MACROD2: variants seen among roughly 807,000 people sequenced by gnomAD.
MACROD2 encodes the protein mono-ADP ribosylhydrolase 2.
Under a neutral mutation model 70.4 loss-of-function variants are expected in MACROD2, and 36 were observed. The observed-to-expected ratio is 0.51, with a 90% CI of 0.39 to 0.68. The LOEUF (loss-of-function observed/expected upper bound fraction) is 0.68, where lower values mean the gene tolerates loss of function less well. Among genes scored for constraint, MACROD2 ranks in the 30% least tolerant of loss-of-function variants. MACROD2 has a pLI of 0.00. For synonymous variants in MACROD2, 172 were observed against 178.8 expected, an observed-to-expected ratio of 0.96 and a Z score of 0.30; for missense variants, 496 against 538.4, an observed-to-expected ratio of 0.92 and a Z score of 0.78.
In MACROD2 at chr20:15,698,517, G is replaced by A. The variant is rs142233691; in HGVS notation, c.646-164228G>A. Among the ~76,000 whole-genome samples, 630 of 152,128 alleles carry A rather than the reference G, an allele frequency of 4.1e-3. 3 individuals are homozygous for A. The highest frequency in any genetic ancestry group is 0.014 in the African/African-American group (569 of 41,492). ...CACAGCTCTTAAAATTCTTTCCTTC[G>A]TCTTAACTTTGGATAACCTGATGAC... On this transcript the variant is annotated intron_variant, in intron 8 of 17. Transcript: ENST00000684519.
chr20:15,058,579 G>T (rs530140790), intron 5 of MACROD2, among the ~76,000 whole-genome samples: 2 of 152,274 alleles, frequency 1.3e-5, no homozygotes, highest in East Asian at 3.9e-4. Context: ...GGCAACTGTA[G>T]GTAGAAGATG....
At chr20:14,711,572 C>A (rs1171196115) in intron 5 of MACROD2, among the ~76,000 whole-genome samples, 1 of 152,142 alleles carries the variant, frequency 6.6e-6, no homozygotes, top group Non-Finnish European at 1.5e-5. Context: ...AGTCCACATT[C>A]ATCTTGGGGC....
intron 3 of MACROD2, among the ~76,000 whole-genome samples, chr20:14,456,713 C>CTTTTTTTTTT (rs10696382): frequency 7.9e-5 from 8 of 101,130 alleles, no homozygotes; most frequent in Non-Finnish European, 1.5e-4. Flanking sequence ...GACTCAGGAT[C>CTTTTTTTTTT]TTTTTTTTTT....
chr20:15,047,744 T>G (rs1481966636), intron 5 of MACROD2, among the ~76,000 whole-genome samples: 1 of 152,156 alleles, frequency 6.6e-6, no homozygotes, highest in Non-Finnish European at 1.5e-5. Context: ...TGAGTAGCAG[T>G]GGCTAAGGCT....
At chr20:15,560,810 T>C (rs2048233964) in intron 8 of MACROD2, among the ~76,000 whole-genome samples, 1 of 146,342 alleles carries the variant, frequency 6.8e-6, no homozygotes, top group African/African-American at 2.5e-5. Flanking sequence ...ATAGTCTTTC[T>C]GTATAGGTCA....
intron 5 of MACROD2, among the ~76,000 whole-genome samples, chr20:14,874,508 T>G (rs2073526910): frequency 1.3e-5 from 2 of 151,510 alleles, no homozygotes; most frequent in South Asian, 4.2e-4. Context: ...CATTGAACAT[T>G]TTATTTATAT....
chr20:15,821,936 A>G (rs2063942670), intron 8 of MACROD2, among the ~76,000 whole-genome samples: 1 of 152,180 alleles, frequency 6.6e-6, no homozygotes. Context: ...ATAGGACTGC[A>G]TCTTTCAATG....
At chr20:15,887,175 CTCTATGTT>C (rs2064832725) in intron 10 of MACROD2, among the ~76,000 whole-genome samples, 1 of 152,094 alleles carries the variant, frequency 6.6e-6, no homozygotes, top group Non-Finnish European at 1.5e-5. Context: ...TGTGGTCCTT[CTCTATGTT>C]AAGTTATATC....
chr20:14,199,731 T>C (rs1447289370), intron 3 of MACROD2, among the ~76,000 whole-genome samples: 2 of 152,162 alleles, frequency 1.3e-5, no homozygotes, highest in African/African-American at 2.4e-5. Flanking sequence ...ACAGTAATAA[T>C]TATGTACCAG....
At chr20:14,011,003 G>T (rs1362619087) in intron 2 of MACROD2, among the ~76,000 whole-genome samples, 1 of 152,074 alleles carries the variant, frequency 6.6e-6, no homozygotes, top group Non-Finnish European at 1.5e-5. Flanking sequence ...GTTCTATCAG[G>T]GTTCTCTTTC....
intron 5 of MACROD2, among the ~76,000 whole-genome samples, chr20:15,106,477 T>C (rs1406406954): frequency 6.6e-6 from 1 of 152,198 alleles, no homozygotes; most frequent in African/African-American, 2.4e-5. Context: ...GGGATGGTTT[T>C]ATCATAATAC....
At chr20:14,154,383 T>C (rs2055064713) in intron 3 of MACROD2, among the ~76,000 whole-genome samples, 2 of 150,100 alleles carry the variant, frequency 1.3e-5, no homozygotes, top group African/African-American at 4.9e-5. Context: ...TAATACCTTT[T>C]CTTTTCTTTT....
chr20:15,521,372 G>A (rs890453207), intron 8 of MACROD2, among the ~76,000 whole-genome samples: 1 of 152,162 alleles, frequency 6.6e-6, no homozygotes. Context: ...CATAAATTCT[G>A]TCTGGGACTG....
intron 2 of MACROD2, among the ~76,000 whole-genome samples, chr20:14,027,200 C>T (rs1337003977): frequency 6.6e-6 from 1 of 152,064 alleles, no homozygotes; most frequent in African/African-American, 2.4e-5. Flanking sequence ...CTCTTTATTT[C>T]ATTAAGTTGA....
chr20:15,180,542 A>G (rs1281934946), intron 5 of MACROD2, among the ~76,000 whole-genome samples: 1 of 152,248 alleles, frequency 6.6e-6, no homozygotes, highest in Non-Finnish European at 1.5e-5. Context: ...TTCTAGTTCA[A>G]CAGACACACC....
chr20:15,363,440 T>A (rs934976483), intron 6 of MACROD2, among the ~76,000 whole-genome samples: 1 of 152,228 alleles, frequency 6.6e-6, no homozygotes, highest in African/African-American at 2.4e-5. Context: ...AAAGGCACCA[T>A]GGCAATATAT....
At chr20:15,038,019 A>G (rs181746963) in intron 5 of MACROD2, among the ~76,000 whole-genome samples, 36 of 152,348 alleles carry the variant, frequency 2.4e-4, no homozygotes, top group Non-Finnish European at 4.3e-4. Context: ...TATACACTGT[A>G]TACATGTATC....
chr20:14,536,574 T>C (rs6079482), intron 4 of MACROD2, among the ~76,000 whole-genome samples: 19,662 of 152,050 alleles, frequency 0.13, 1,622 homozygotes, highest in Non-Finnish European at 0.16. Flanking sequence ...AGGTTATTTT[T>C]ATCTTTGAAC....
chr20:15,454,324 T>C (rs551947642), intron 7 of MACROD2, among the ~76,000 whole-genome samples: 32 of 152,030 alleles, frequency 2.1e-4, no homozygotes, highest in African/African-American at 7.2e-4. Context: ...TCTCTTTCCC[T>C]GCCTTACATC....
Sources: gnomAD v4.1 joint callset for allele counts (sites outside exome capture counted in the v4.1 genomes callset) on GRCh38, gnomAD v4.1.1 for gene constraint, MANE v1.5 for transcripts, NCBI Gene and HGNC (gene_info 2026-07-23, HGNC 2026-07-21) for gene names.